Variants in NTM observed in about 807,000 individuals in gnomAD.
NTM encodes IgLON family member 2.
NTM carries 13 observed loss-of-function variants against 42.1 expected under a neutral mutation model. The ratio of observed to expected loss-of-function variants is 0.31; its 90% CI spans 0.20 to 0.49. The LOEUF is 0.49. Among genes scored for constraint, NTM ranks in the 20% least tolerant of loss-of-function variants. NTM has a pLI of 0.99. For synonymous variants in NTM, 187 were observed against 179.2 expected (o/e 1.04, Z -0.35); for missense variants, 373 against 452.8 (o/e 0.82, Z 1.60).
At chr11:131,751,348 C>T (rs1045418530) in intron 1 of NTM, among the ~76,000 whole-genome samples, 6 of 151,842 alleles carry the variant, frequency 4.0e-5, no homozygotes, top group African/African-American at 1.4e-4. Flanking sequence ...CCCAGCACTT[C>T]GGGAGGCTGA....
intron 1 of NTM, among the ~76,000 whole-genome samples, chr11:131,862,480 T>C (rs371241915): frequency 1.3e-5 from 2 of 152,348 alleles, no homozygotes; most frequent in East Asian, 3.9e-4. Context: ...TTTATTGCTG[T>C]GTCCTAGACA....
At chr11:132,037,015 C>T (rs1173271322) in intron 2 of NTM, among the ~76,000 whole-genome samples, 4 of 152,114 alleles carry the variant, frequency 2.6e-5, no homozygotes, top group African/African-American at 9.7e-5. Flanking sequence ...GCTACTCTGC[C>T]TGCTTAGGAG....
chr11:131,815,428 A>G (rs1482272891), intron 1 of NTM, among the ~76,000 whole-genome samples: 1 of 152,108 alleles, frequency 6.6e-6, no homozygotes, highest in Admixed American at 6.5e-5. Context: ...GTGCGCAAAG[A>G]GCAGGCACCA....
chr11:132,113,950 C>G (rs924460240), intron 2 of NTM, among the ~76,000 whole-genome samples: 20 of 152,168 alleles, frequency 1.3e-4, no homozygotes, highest in Admixed American at 1.2e-3. Flanking sequence ...TGCTGCGGCT[C>G]TTTCCACCTG....
chr11:132,295,297 C>G (rs1591808983), intron 4 of NTM, among the ~76,000 whole-genome samples: 1 of 152,104 alleles, frequency 6.6e-6, no homozygotes, highest in Admixed American at 6.5e-5. Context: ...TAGGCTAGAA[C>G]AGCCATCAAA....
At chr11:131,549,470 G>T (rs1311107316) in intron 1 of NTM, among the ~76,000 whole-genome samples, 1 of 152,114 alleles carries the variant, frequency 6.6e-6, no homozygotes, top group Non-Finnish European at 1.5e-5. Context: ...GTTGTCAACT[G>T]CCTACAAGAT....
At chr11:131,870,090 G>T (rs1176568930) in intron 1 of NTM, among the ~76,000 whole-genome samples, 1 of 152,196 alleles carries the variant, frequency 6.6e-6, no homozygotes, top group Non-Finnish European at 1.5e-5. Flanking sequence ...AGAAGCCTGG[G>T]AATTCTGGCT....
At chr11:131,481,266 C>T (rs1051172923) in intron 1 of NTM, among the ~76,000 whole-genome samples, 4 of 152,290 alleles carry the variant, frequency 2.6e-5, no homozygotes, top group African/African-American at 9.6e-5. Flanking sequence ...AGATATCGAA[C>T]GCACTTGGAA....
intron 2 of NTM, among the ~76,000 whole-genome samples, chr11:131,964,317 T>A (rs1475446867): frequency 6.6e-6 from 1 of 152,088 alleles, no homozygotes; most frequent in Non-Finnish European, 1.5e-5. Context: ...GCTGGTGAAA[T>A]TTCCCCCAGA....
chr11:131,664,549 C>T (rs1003568243), intron 1 of NTM, among the ~76,000 whole-genome samples: 1 of 152,098 alleles, frequency 6.6e-6, no homozygotes, highest in African/African-American at 2.4e-5. Context: ...ATTAAATTCC[C>T]CCTCTCTCCA....
chr11:131,688,971 A>G (rs2074297986), intron 1 of NTM, among the ~76,000 whole-genome samples: 1 of 151,960 alleles, frequency 6.6e-6, no homozygotes. Flanking sequence ...TGCAGGACAC[A>G]CTCTTAGTTA....
At chr11:132,133,113 CTT>C (rs1281468517) in intron 2 of NTM, among the ~76,000 whole-genome samples, 2 of 152,220 alleles carry the variant, frequency 1.3e-5, no homozygotes, top group Non-Finnish European at 2.9e-5. Context: ...GCTGCACAGA[CTT>C]AACCTCTGTA....
At chr11:132,308,338 A>G (rs2095167430) in intron 5 of NTM, among the ~76,000 whole-genome samples, 1 of 152,190 alleles carries the variant, frequency 6.6e-6, no homozygotes, top group South Asian at 2.1e-4. Context: ...TACGATATAG[A>G]TCTTAGAGGA....
At chr11:131,407,805 A>G (rs1425925099) in intron 1 of NTM, among the ~76,000 whole-genome samples, 1 of 152,160 alleles carries the variant, frequency 6.6e-6, no homozygotes, top group African/African-American at 2.4e-5. Context: ...ACGCTTCCTG[A>G]TGAAGTTCGG....
intron 2 of NTM, among the ~76,000 whole-genome samples, chr11:131,924,662 G>A (rs1475679572): frequency 1.8e-5 from 1 of 55,648 alleles, no homozygotes; most frequent in African/African-American, 9.9e-5. Flanking sequence ...CCTGTTTGGC[G>A]AGCTCCATCG....
chr11:131,426,208 C>G (rs1263514595), intron 1 of NTM, among the ~76,000 whole-genome samples: 1 of 152,202 alleles, frequency 6.6e-6, no homozygotes, highest in Non-Finnish European at 1.5e-5. Flanking sequence ...TGGCCATAAT[C>G]TGGGTGTCAG....
chr11:132,130,251 C>T (rs533319869), intron 2 of NTM, among the ~76,000 whole-genome samples: 7 of 152,014 alleles, frequency 4.6e-5, no homozygotes, highest in South Asian at 2.1e-4. Flanking sequence ...AGTGAAGCCT[C>T]GGAAGTGGGA....
At chr11:131,716,852 G>T (rs1284720559) in intron 1 of NTM, among the ~76,000 whole-genome samples, 1 of 152,012 alleles carries the variant, frequency 6.6e-6, no homozygotes, top group Non-Finnish European at 1.5e-5. Context: ...TGTTGTTGTT[G>T]TTGTTTGAAA....
chr11:132,115,142 G>A (rs949535769), intron 2 of NTM, among the ~76,000 whole-genome samples: 1 of 152,148 alleles, frequency 6.6e-6, no homozygotes, highest in African/African-American at 2.4e-5. Context: ...TGCCTAGGGT[G>A]GGTGGAGTGG....
Sources: allele counts gnomAD v4.1 joint callset (sites outside exome capture counted in the v4.1 genomes callset), GRCh38; gene constraint gnomAD v4.1.1; transcripts MANE v1.5; gene names NCBI Gene and HGNC (gene_info 2026-07-23, HGNC 2026-07-21).